Variants in ADGRG7 observed in about 807,000 individuals in gnomAD.
The protein encoded by ADGRG7 is adhesion G protein-coupled receptor G7.
In ADGRG7, 82 loss-of-function variants were observed where a neutral mutation model predicts 88.6. The ratio of observed to expected loss-of-function variants is 0.93; its 90% confidence interval spans 0.77 to 1.11. The LOEUF is 1.11. Ranked by LOEUF, ADGRG7 falls within the 50% of genes most tolerant of loss-of-function variation. The probability of loss-of-function intolerance (pLI) is 0.00; values close to 1 mark genes in which losing one functional copy is unlikely to be tolerated. For synonymous variants in ADGRG7, 381 were observed against 345.2 expected (o/e 1.10, Z -1.15); for missense variants, 945 against 953.4 (o/e 0.99, Z 0.12).
chr3:100,687,132 C>T (rs2094984158), intron 15 of ADGRG7, among the ~76,000 whole-genome samples: 1 of 152,144 alleles, frequency 6.6e-6, no homozygotes, highest in Non-Finnish European at 1.5e-5. Context: ...ATTTTATTCT[C>T]TTAGAAGCAA....
intron 6 of ADGRG7, among the ~76,000 whole-genome samples, chr3:100,638,187 G>T (rs962842260): frequency 6.6e-6 from 1 of 152,226 alleles, no homozygotes; most frequent in Admixed American, 6.5e-5. Context: ...AGCCTTTTTG[G>T]GTACCTGCAC....
intron 14 of ADGRG7, among the ~76,000 whole-genome samples, chr3:100,664,346 G>T (rs1391850850): frequency 6.6e-6 from 1 of 152,088 alleles, no homozygotes; most frequent in African/African-American, 2.4e-5. Context: ...TAGAAATGAC[G>T]TAAAAGGAAT....
intron 15 of ADGRG7, among the ~76,000 whole-genome samples, chr3:100,687,187 T>C (rs1450256667): frequency 6.6e-6 from 1 of 152,238 alleles, no homozygotes. Flanking sequence ...TGTCTGTTAA[T>C]GGTGTATAAG....
intron 8 of ADGRG7, among the ~76,000 whole-genome samples, chr3:100,645,560 A>G (rs756952020): frequency 6.6e-6 from 1 of 152,172 alleles, no homozygotes; most frequent in Non-Finnish European, 1.5e-5. Context: ...ATATTTTATC[A>G]TTGCAGGAGG....
At position 100,663,527 on chromosome 3, in the gene ADGRG7, A is replaced by G. The variant is rs545788052; in HGVS notation, c.1979+3684A>G. Among the ~76,000 whole-genome samples, 11 of 152,166 alleles carry G rather than the reference A, an allele frequency of 7.2e-5. No homozygotes were observed. The South Asian group carries it at 2.1e-3, about 29-fold the overall frequency. ...CAAACACCTACTCTAGAACTTTCTC[A>G]TCTCCAACTAACTTTCTACTGCTTG... On this transcript the variant is annotated intron_variant, in intron 14 of 15. Transcript: ENST00000273352.
chr3:100,673,904 C>T (rs186344881), intron 15 of ADGRG7, among the ~76,000 whole-genome samples: 1 of 152,234 alleles, frequency 6.6e-6, no homozygotes, highest in East Asian at 1.9e-4. Flanking sequence ...TTGTCTTCTG[C>T]TAGCTTTTGA....
At chr3:100,645,115 G>C (rs1211721546) in intron 8 of ADGRG7, among the ~76,000 whole-genome samples, 32 of 152,220 alleles carry the variant, frequency 2.1e-4, no homozygotes, top group Admixed American at 2.1e-3. Flanking sequence ...AAAGACAACA[G>C]AGTTTAGGAA....
At chr3:100,679,948 T>C (rs975825523) in intron 15 of ADGRG7, among the ~76,000 whole-genome samples, 4 of 152,206 alleles carry the variant, frequency 2.6e-5, no homozygotes, top group African/African-American at 9.7e-5. Flanking sequence ...ACATTTACTC[T>C]GGAAGAAAAT....
At chr3:100,627,457 G>A (rs1480449423) in intron 1 of ADGRG7, among the ~76,000 whole-genome samples, 1 of 152,042 alleles carries the variant, frequency 6.6e-6, no homozygotes, top group Non-Finnish European at 1.5e-5. Context: ...TGAGAGATTT[G>A]ACTTCCTGCT....
chr3:100,617,972 A>G (rs1707249542), intron 1 of ADGRG7, among the ~76,000 whole-genome samples: 1 of 152,140 alleles, frequency 6.6e-6, no homozygotes, highest in African/African-American at 2.4e-5. Flanking sequence ...ACCAGTGATG[A>G]TGAGCATTTT....
At chr3:100,635,250 A>G (rs775050676) in intron 4 of ADGRG7, among the ~76,000 whole-genome samples, 2 of 152,158 alleles carry the variant, frequency 1.3e-5, no homozygotes, top group Non-Finnish European at 2.9e-5. Context: ...AAATTACTGG[A>G]AAAATGAAAT....
chr3:100,616,008 GA>G (rs954253204), intron 1 of ADGRG7, among the ~76,000 whole-genome samples: 13 of 149,732 alleles, frequency 8.7e-5, no homozygotes, highest in Admixed American at 5.4e-4. Flanking sequence ...CATAAGTAAG[GA>G]AAAAAAAGTC....
chr3:100,655,752 C>T, intron 12 of ADGRG7, 147 bp from the exon 13 acceptor site: 1 of 536,276 alleles, frequency 1.9e-6, no homozygotes, highest in African/African-American at 1.9e-5. Context: ...ACTGTCGACC[C>T]ACATCTGTAG....
intron 11 of ADGRG7, among the ~76,000 whole-genome samples, chr3:100,651,141 A>T (rs891340171): frequency 2.6e-5 from 4 of 152,174 alleles, no homozygotes; most frequent in Admixed American, 2.0e-4. Flanking sequence ...AAAGTTTTAT[A>T]GTGAGTGCTT....
In ADGRG7 at chr3:100,625,482, C is replaced by T. The variant is rs1576314320; in HGVS notation, c.116-4116C>T. On this transcript the variant is annotated intron_variant, in intron 1 of 15. Coordinates refer to ENST00000273352, the MANE Select transcript of ADGRG7 (RefSeq NM_032787.3). Reference sequence around the variant, plus strand: ...AATATAGAATCATGTTGTTTGCAAACAGAGACAATTTGATTTCCTATTTGA... The same window carrying T: ...AATATAGAATCATGTTGTTTGCAAATAGAGACAATTTGATTTCCTATTTGA... 4.6e-5 allele frequency among the ~76,000 whole-genome samples: 7 copies of T among 152,242 alleles called. No individual in the cohort carries two copies. The South Asian group carries it at 1.5e-3, about 32-fold the overall frequency.
chr3:100,665,664 C>T (rs2094950853), intron 14 of ADGRG7, among the ~76,000 whole-genome samples: 1 of 152,102 alleles, frequency 6.6e-6, no homozygotes, highest in Non-Finnish European at 1.5e-5. Context: ...GTTTACTGAA[C>T]ATAAGTGGTG....
intron 11 of ADGRG7, 98 bp from the exon 12 acceptor site, chr3:100,654,737 G>T: frequency 2.8e-6 from 2 of 710,874 alleles, no homozygotes; most frequent in Non-Finnish European, 4.6e-6. Context: ...CTTACATTGG[G>T]CAATAATATT....
At position 100,609,674 on chromosome 3, in the gene ADGRG7, C is replaced by G. The variant is rs531094717; in HGVS notation, c.-183C>G. 9.2e-5 allele frequency: 47 copies of G among 509,730 alleles called. No individual in the cohort carries two copies. Among genetic ancestry groups the G allele is most frequent in the Non-Finnish European group, 1.6e-4 (44 of 275,564 alleles). The allele number at this position is 509,730 out of a possible 1,614,324, so 31.6% of individuals were successfully genotyped here. Reference sequence around the variant, plus strand: ...AGTATGCACCTTTTATTAGGAGATTCAAACTGCATCCTACTGGATTAGCCT... The same window carrying G: ...AGTATGCACCTTTTATTAGGAGATTGAAACTGCATCCTACTGGATTAGCCT... On this transcript the variant is annotated 5_prime_UTR_variant, in exon 1 of 16. An upstream open reading frame in the 5' UTR gains an earlier in-frame stop. Transcript: ENST00000273352.
chr3:100,615,449 G>A (rs1707211816), intron 1 of ADGRG7, among the ~76,000 whole-genome samples: 1 of 152,184 alleles, frequency 6.6e-6, no homozygotes, highest in Admixed American at 6.5e-5. Flanking sequence ...CAGAGGAATT[G>A]TTAGTTCAAC....
Sources: gnomAD v4.1 joint callset for allele counts (sites outside exome capture counted in the v4.1 genomes callset) on GRCh38, gnomAD v4.1.1 for gene constraint, MANE v1.5 for transcripts, NCBI Gene and HGNC (gene_info 2026-07-23, HGNC 2026-07-21) for gene names.